Variants in SLC2A13 observed in about 807,000 individuals in gnomAD.
SLC2A13 encodes the protein proton myo-inositol cotransporter.
Under a neutral mutation model 64.4 loss-of-function variants are expected in SLC2A13, and 32 were observed. That is an observed-to-expected ratio of 0.50 (90% CI 0.37 to 0.67). The LOEUF (loss-of-function observed/expected upper bound fraction) is 0.67, where lower values mean the gene tolerates loss of function less well. SLC2A13 is among the 30% of genes least tolerant of loss of function. SLC2A13 has a pLI of 0.00. For missense variants in SLC2A13, 743 were observed against 829.2 expected (o/e 0.90, Z 1.28); for synonymous variants, 338 against 327.1 (o/e 1.03, Z -0.36).
intron 1 of SLC2A13, among the ~76,000 whole-genome samples, chr12:40,074,610 G>T (rs1426466125): frequency 6.6e-6 from 1 of 152,144 alleles, no homozygotes; most frequent in Non-Finnish European, 1.5e-5. Context: ...ATTATTCATA[G>T]TTGTTTTCAG....
intron 4 of SLC2A13, among the ~76,000 whole-genome samples, chr12:39,916,140 T>TAA (rs1404431639): frequency 6.6e-6 from 1 of 151,862 alleles, no homozygotes; most frequent in Non-Finnish European, 1.5e-5. Flanking sequence ...AAGGTGATTA[T>TAA]AAAGGGGCAA....
intron 4 of SLC2A13, among the ~76,000 whole-genome samples, chr12:39,914,204 G>T (rs2136045238): frequency 6.6e-6 from 1 of 152,098 alleles, no homozygotes; most frequent in East Asian, 1.9e-4. Context: ...AAGCAGTAGG[G>T]CATGATATAG....
chr12:40,013,031 TAAG>T (rs1947556132), intron 3 of SLC2A13, among the ~76,000 whole-genome samples: 1 of 152,154 alleles, frequency 6.6e-6, no homozygotes, highest in Admixed American at 6.5e-5. Flanking sequence ...TCTTCAGACA[TAAG>T]GAGACAGTAA....
At chr12:39,893,416 C>T (rs1429175214) in intron 4 of SLC2A13, among the ~76,000 whole-genome samples, 4 of 152,234 alleles carry the variant, frequency 2.6e-5, no homozygotes, top group Non-Finnish European at 5.9e-5. Flanking sequence ...TCTCCTGCCT[C>T]AGCCTCCCGA....
intron 1 of SLC2A13, among the ~76,000 whole-genome samples, chr12:40,062,168 ATG>A (rs1358668358): frequency 1.3e-5 from 2 of 152,098 alleles, no homozygotes; most frequent in East Asian, 1.9e-4. Flanking sequence ...TTAAAAATTG[ATG>A]TGTTAAAAAA....
chr12:39,800,202 C>T (rs989196562), intron 7 of SLC2A13, among the ~76,000 whole-genome samples: 10 of 152,078 alleles, frequency 6.6e-5, no homozygotes, highest in South Asian at 6.2e-4. Context: ...TTGGTGCTGA[C>T]GTGCTTTGAA....
chr12:39,955,675 G>A (rs146305562), intron 3 of SLC2A13, among the ~76,000 whole-genome samples: 5 of 152,192 alleles, frequency 3.3e-5, no homozygotes, highest in Non-Finnish European at 7.4e-5. Context: ...AAAATTTTGC[G>A]ATCGGAAGAC....
chr12:39,919,575 G>A (rs773000599), intron 4 of SLC2A13, among the ~76,000 whole-genome samples: 34 of 151,924 alleles, frequency 2.2e-4, no homozygotes, highest in Non-Finnish European at 3.7e-4. Flanking sequence ...GGGTTTTGAG[G>A]TATAGTTATA....
chr12:39,931,954 A>T (rs1273500697), intron 4 of SLC2A13, among the ~76,000 whole-genome samples: 1 of 152,048 alleles, frequency 6.6e-6, no homozygotes, highest in Non-Finnish European at 1.5e-5. Context: ...CCCATTCAAG[A>T]CCTTTATTTT....
chr12:39,866,399 A>G (rs1410521479), intron 5 of SLC2A13, among the ~76,000 whole-genome samples: 3 of 152,162 alleles, frequency 2.0e-5, no homozygotes, highest in South Asian at 4.1e-4. Flanking sequence ...CCATAATTCA[A>G]TGTTGTCTTT....
At chr12:39,915,648 A>G (rs1945509491) in intron 4 of SLC2A13, among the ~76,000 whole-genome samples, 1 of 151,976 alleles carries the variant, frequency 6.6e-6, no homozygotes, top group South Asian at 2.1e-4. Flanking sequence ...CAGTGATGAC[A>G]CAGGATTTTT....
chr12:39,908,561 G>A (rs933732486), intron 4 of SLC2A13, among the ~76,000 whole-genome samples: 1 of 151,912 alleles, frequency 6.6e-6, no homozygotes, highest in African/African-American at 2.4e-5. Context: ...AGAAAGGCAA[G>A]GCGGGGAGGG....
At chr12:39,826,845 T>A (rs77665907) in intron 7 of SLC2A13, among the ~76,000 whole-genome samples, 1,522 of 127,086 alleles carry the variant, frequency 0.012, 35 homozygotes, top group African/African-American at 0.042. Flanking sequence ...TCTTTTAAAG[T>A]CTCTTTCAAT....
At chr12:39,941,141 AT>A (rs1228098837) in intron 4 of SLC2A13, among the ~76,000 whole-genome samples, 15 of 137,748 alleles carry the variant, frequency 1.1e-4, no homozygotes, top group African/African-American at 3.9e-4. Context: ...ATATATATAT[AT>A]ATGAATCAGT....
chr12:39,856,619 G>A (rs1433118437), intron 6 of SLC2A13, among the ~76,000 whole-genome samples: 1 of 152,054 alleles, frequency 6.6e-6, no homozygotes, highest in African/African-American at 2.4e-5. Flanking sequence ...TGCCCACCTC[G>A]GCCTCCCAAA....
chr12:39,813,161 C>T (rs1320188495), intron 7 of SLC2A13, among the ~76,000 whole-genome samples: 1 of 151,302 alleles, frequency 6.6e-6, no homozygotes, highest in African/African-American at 2.4e-5. Context: ...ATTACTTTTG[C>T]CCTCCCTTTA....
chr12:39,972,996 G>A (rs888484736), intron 3 of SLC2A13, among the ~76,000 whole-genome samples: 2 of 151,702 alleles, frequency 1.3e-5, no homozygotes, highest in African/African-American at 2.4e-5. Context: ...GAACCTGGCA[G>A]GTGGAGTCTG....
intron 1 of SLC2A13, among the ~76,000 whole-genome samples, chr12:40,066,286 C>T (rs1306169563): frequency 6.6e-6 from 1 of 152,146 alleles, no homozygotes; most frequent in East Asian, 1.9e-4. Flanking sequence ...GGCCCCAAAG[C>T]TAGCTATAAA....
At chr12:40,026,490 C>A (rs1947809481) in intron 3 of SLC2A13, among the ~76,000 whole-genome samples, 1 of 152,152 alleles carries the variant, frequency 6.6e-6, no homozygotes, top group Non-Finnish European at 1.5e-5. Context: ...GTTATATATT[C>A]CGAATAATGT....
Sources: gnomAD v4.1 joint callset for allele counts (sites outside exome capture counted in the v4.1 genomes callset) on GRCh38, gnomAD v4.1.1 for gene constraint, MANE v1.5 for transcripts, NCBI Gene and HGNC (gene_info 2026-07-23, HGNC 2026-07-21) for gene names.